Variants in MAOA observed in about 807,000 individuals in gnomAD.
MAOA encodes the protein monoamine oxidase A.
Under a neutral mutation model 42.0 loss-of-function variants are expected in MAOA, and 6 were observed. The observed-to-expected ratio is 0.14, with a 90% CI of 0.08 to 0.28. MAOA has a LOEUF of 0.28. Among genes scored for constraint, MAOA ranks in the 10% least tolerant of loss-of-function variants. The pLI is 1.00. For synonymous variants in MAOA, 140 were observed against 154.0 expected (o/e 0.91, Z 0.67); for missense variants, 262 against 422.3 (o/e 0.62, Z 3.33).
intron 3 of MAOA, among the ~76,000 whole-genome samples, chrX:43,699,139 AAAAT>A (rs2033602440): frequency 9.0e-6 from 1 of 111,011 alleles, no homozygotes; most frequent in Admixed American, 9.6e-5. Flanking sequence ...TATAATTTTA[AAAAT>A]AAATAAAATA....
At chrX:43,678,854 G>A (rs939827020) in intron 1 of MAOA, among the ~76,000 whole-genome samples, 18 of 112,013 alleles carry the variant, frequency 1.6e-4, no homozygotes, top group African/African-American at 4.9e-4. Flanking sequence ...TTTCCTAACA[G>A]CATCATACTT....
At chrX:43,729,183 C>A (rs947663046) in intron 6 of MAOA, among the ~76,000 whole-genome samples, 1 of 112,385 alleles carries the variant, frequency 8.9e-6, no homozygotes, top group Non-Finnish European at 1.9e-5. Flanking sequence ...ACTCATTGCC[C>A]ATTTGACCCT....
rs758225239 is a variant in MAOA, at chrX:43,731,276, C to T, written c.681C>T (p.Ser227=). The stretch of plus-strand genomic sequence containing the variant: ...TTGTAGGTGGATCTGGTCAAGTGAG[C>T]GAACGGATAATGGACCTCCTCGGAG... ...RKFVGGSGQV[S]ERIMDLLGDQ... Residue 227 remains serine, a synonymous_variant, in exon 7 of 15, where the codon AGC becomes AGT. Coordinates refer to ENST00000338702, the MANE Select transcript of MAOA (RefSeq NM_000240.4). 37 of 1,208,223 alleles carry T rather than the reference C, an allele frequency of 3.1e-5. No homozygotes were observed. The highest frequency in any genetic ancestry group is 1.7e-4 in the Admixed American group (8 of 45,775).
At chrX:43,672,902 T>A (rs1371302997) in intron 1 of MAOA, among the ~76,000 whole-genome samples, 1 of 111,727 alleles carries the variant, frequency 9.0e-6, no homozygotes, top group East Asian at 2.8e-4. Flanking sequence ...AAAATTCTCT[T>A]TTTTGGTTGT....
intron 5 of MAOA, among the ~76,000 whole-genome samples, chrX:43,715,774 G>A (rs906313056): frequency 1.8e-5 from 2 of 110,905 alleles, no homozygotes; most frequent in Non-Finnish European, 3.8e-5. Flanking sequence ...AAGGCCAAGG[G>A]GGGAGACAGG....
chrX:43,688,237 C>A (rs775721877), intron 2 of MAOA, among the ~76,000 whole-genome samples: 58 of 112,328 alleles, frequency 5.2e-4, no homozygotes, highest in Non-Finnish European at 1.0e-3. Flanking sequence ...TTGAATATAC[C>A]AGCAGACTTC....
intron 1 of MAOA, among the ~76,000 whole-genome samples, chrX:43,667,042 T>C (rs776625999): frequency 1.2e-4 from 13 of 108,931 alleles, no homozygotes; most frequent in Non-Finnish European, 1.9e-4. Context: ...CTAATGTAAA[T>C]GACGAGTCAA....
chrX:43,656,245 G>A (rs534597592), upstream of MAOA: 874 of 770,838 alleles, frequency 1.1e-3, 9 homozygotes, highest in South Asian at 0.018. Flanking sequence ...GATCGGCTCC[G>A]CCCCCGGGCT....
At chrX:43,687,782 G>A (rs2033498729) in intron 2 of MAOA, among the ~76,000 whole-genome samples, 1 of 112,234 alleles carries the variant, frequency 8.9e-6, no homozygotes, top group Non-Finnish European at 1.9e-5. Flanking sequence ...TGGCAACTTC[G>A]AAAAAACTCA....
At chrX:43,730,768 C>T (rs1038005802) in intron 6 of MAOA, among the ~76,000 whole-genome samples, 3 of 110,607 alleles carry the variant, frequency 2.7e-5, no homozygotes, top group Admixed American at 1.9e-4. Context: ...CTAAAAGCAC[C>T]CTGTAACTTT....
At chrX:43,669,032 G>A (rs914620679) in intron 1 of MAOA, among the ~76,000 whole-genome samples, 2 of 110,807 alleles carry the variant, frequency 1.8e-5, no homozygotes, top group Admixed American at 1.9e-4. Context: ...CAGAGCTCTT[G>A]TTGAGTTGAT....
At chrX:43,696,850 A>G (rs2147087225) in intron 3 of MAOA, among the ~76,000 whole-genome samples, 1 of 113,109 alleles carries the variant, frequency 8.8e-6, no homozygotes, top group East Asian at 2.8e-4. Context: ...CACAATGGTA[A>G]TATTAGACCA....
rs1039995231 is a variant in MAOA at position 43,711,891 on chromosome X, G to A, written c.326G>A (p.Arg109Gln). 2.0e-5 allele frequency: 24 copies of A among 1,201,887 alleles called. No individual in the cohort carries two copies. The highest frequency in any genetic ancestry group is 3.5e-5 in the South Asian group (2 of 56,621). ...TTCTAGGGGAAAACATATCCATTTC[G>A]GGGCGCCTTTCCACCAGTATGGAAT... ...QYVKGKTYPF[R>Q]GAFPPVWNPI... The change falls in exon 4 of 15, where the codon CGG (arginine) becomes CAG (glutamine). Residue 109 changes from arginine to glutamine, a missense_variant. By Grantham distance (43) the Arg-to-Gln change is conservative. Transcript: ENST00000338702.
chrX:43,698,611 T>A (rs1249761664), intron 3 of MAOA, among the ~76,000 whole-genome samples: 5 of 112,374 alleles, frequency 4.4e-5, no homozygotes, highest in African/African-American at 9.7e-5. Context: ...GATCAAAATT[T>A]CTGCCCTCAT....
intron 3 of MAOA, among the ~76,000 whole-genome samples, chrX:43,700,219 C>T (rs2033611893): frequency 8.9e-6 from 1 of 112,072 alleles, no homozygotes; most frequent in South Asian, 3.7e-4. Context: ...TTATTTTTCC[C>T]AACTCAGAGA....
intron 5 of MAOA, among the ~76,000 whole-genome samples, chrX:43,726,205 T>G (rs2033833545): frequency 8.9e-6 from 1 of 111,877 alleles, no homozygotes; most frequent in African/African-American, 3.3e-5. Context: ...TTTCCTGAAT[T>G]TGAATGTTGG....
Position 43,656,481 on chromosome X carries a change from G to T in MAOA, c.73+67G>T. 4.0e-6 allele frequency: 4 copies of T among 987,943 alleles called. No homozygotes were observed. The Admixed American group carries it at 6.6e-5, about 16-fold the overall frequency. 81.4% of individuals were successfully genotyped at this position (987,943 alleles called of 1,213,427 possible). A position where few individuals can be genotyped will look rare whatever the true frequency, so the allele number is the denominator to read the frequency against. The stretch of plus-strand genomic sequence containing the variant: ...GTGAGGGGTAGGGGAACCTACAGTA[G>T]CTCTTGTGGTGTTTGGGGGTCTCTC... On this transcript the variant is annotated intron_variant, in intron 1 of 14. Coordinates refer to ENST00000338702, the MANE Select transcript of MAOA (RefSeq NM_000240.4).
chrX:43,665,810 TTAGA>T (rs35784967), intron 1 of MAOA, among the ~76,000 whole-genome samples: 17,598 of 98,277 alleles, frequency 0.18, 1,372 homozygotes, highest in Middle Eastern at 0.23. Context: ...TAGGTATAGA[TTAGA>T]TAGATAGATA....
chrX:43,703,734 T>C (rs1388624610), intron 3 of MAOA, among the ~76,000 whole-genome samples: 1 of 111,534 alleles, frequency 9.0e-6, no homozygotes, highest in Non-Finnish European at 1.9e-5. Context: ...CCATATCCTA[T>C]CCCTGTCTTT....
Sources: allele counts gnomAD v4.1 joint callset (sites outside exome capture counted in the v4.1 genomes callset), GRCh38; gene constraint gnomAD v4.1.1; transcripts MANE v1.5; gene names NCBI Gene and HGNC (gene_info 2026-07-23, HGNC 2026-07-21).